The following VWA3B variants were observed in gnomAD, a reference collection of about 807,000 sequenced individuals.
The protein encoded by VWA3B is von Willebrand factor A domain containing 3B.
Under a neutral mutation model 158.3 loss-of-function variants are expected in VWA3B, and 138 were observed. The observed-to-expected ratio is 0.87, with a 90% confidence interval of 0.76 to 1.00. The LOEUF (loss-of-function observed/expected upper bound fraction) is 1.00, where lower values mean the gene tolerates loss of function less well. Ranked by LOEUF, VWA3B falls within the 50% of genes least tolerant of loss-of-function variation. The pLI, the probability that VWA3B is intolerant of heterozygous loss-of-function variation, is 0.00. For missense variants in VWA3B, 1,555 were observed against 1,565.1 expected (o/e 0.99, Z 0.11); for synonymous variants, 596 against 587.3 (o/e 1.01, Z -0.21).
In VWA3B at chr2:98,270,877, G is replaced by T. The variant is rs374151826; in HGVS notation, c.3039G>T (p.Pro1013=). ...AAKKNYANKA[P]GEQQKLQGNP... ...AGAAGAATTATGCAAACAAGGCCCCGGGAGAGGTGGGTGCCCTGGAGGTCT... is the reference window on the plus strand; with the variant it reads ...AGAAGAATTATGCAAACAAGGCCCCTGGAGAGGTGGGTGCCCTGGAGGTCT... Residue 1013 remains proline (P), a synonymous_variant, in exon 22 of 28, where the codon CCG becomes CCT. Coordinates refer to ENST00000477737, the MANE Select transcript of VWA3B (RefSeq NM_144992.5). 5 of 1,613,594 alleles carry T rather than the reference G, an allele frequency of 3.1e-6. No individual in the cohort carries two copies. Among genetic ancestry groups the T allele is most frequent in the Non-Finnish European group, 4.2e-6 (5 of 1,179,820 alleles).
chr2:98,110,932 CTT>C (rs1305724293), intron 2 of VWA3B, among the ~76,000 whole-genome samples: 1 of 152,220 alleles, frequency 6.6e-6, no homozygotes, highest in Non-Finnish European at 1.5e-5. Context: ...CAAACTCTCT[CTT>C]TGCCTGCTGC....
chr2:98,310,818 C>T (rs1222838318), intron 26 of VWA3B, among the ~76,000 whole-genome samples: 1 of 152,184 alleles, frequency 6.6e-6, no homozygotes, highest in African/African-American at 2.4e-5. Flanking sequence ...TGCTGTCGCC[C>T]AGGCCAATTT....
chr2:98,324,909 TA>T, the VWA3B span, among the ~76,000 whole-genome samples: 425 of 147,834 alleles, frequency 2.9e-3, no homozygotes, highest in Middle Eastern at 6.9e-3. Flanking sequence ...GTCTTAATGT[TA>T]AAAAAAAAAA....
chr2:98,300,071 C>G lies in VWA3B; in HGVS notation c.3283-8C>G. On this transcript the variant is annotated splice_region_variant and splice_polypyrimidine_tract_variant and intron_variant, in intron 24 of 27. Transcript: ENST00000477737. ...AGCAAAATATTTGCTCTATGTTCTC[C>G]TCTGCAGGTTGGAGATTATGTGTTT... The G allele has an allele frequency of 6.2e-7, 1 of 1,614,182 alleles. No individual in the cohort carries two copies. The highest frequency in any genetic ancestry group is 8.5e-7 in the Non-Finnish European group (1 of 1,180,042).
intron 7 of VWA3B, among the ~76,000 whole-genome samples, chr2:98,136,286 G>C (rs1368516108): frequency 2.0e-5 from 3 of 152,156 alleles, no homozygotes; most frequent in Non-Finnish European, 2.9e-5. Flanking sequence ...CAGTTCACTA[G>C]TGTTAAGTAC....
chr2:98,176,984 T>G (rs1303253725), intron 8 of VWA3B, among the ~76,000 whole-genome samples: 2 of 152,058 alleles, frequency 1.3e-5, no homozygotes, highest in African/African-American at 4.8e-5. Flanking sequence ...AGGAATGAGG[T>G]GCCAGGCAAG....
chr2:98,142,095 G>A (rs1196931542), intron 7 of VWA3B, among the ~76,000 whole-genome samples: 1 of 152,140 alleles, frequency 6.6e-6, no homozygotes, highest in Non-Finnish European at 1.5e-5. Context: ...CCACAGTTTG[G>A]AGACCCTAGG....
chr2:98,234,630 C>A lies in VWA3B; in HGVS notation c.2309-18C>A, dbSNP rs750813911. 2.5e-6 allele frequency: 4 copies of A among 1,614,052 alleles called. No individual in the cohort carries two copies. The Admixed American group carries it at 6.7e-5, about 27-fold the overall frequency. On this transcript the variant is annotated intron_variant, in intron 16 of 27. Transcript: ENST00000477737. ...CCATCCCCAATTCCTTTAACTCTTC[C>A]CTCTGTGATACCAACAGAATCAACC...
intron 27 of VWA3B, 51 bp downstream of exon 27, chr2:98,312,083 G>GA (rs772419746): frequency 1.5e-5 from 24 of 1,602,600 alleles, no homozygotes; most frequent in Non-Finnish European, 2.0e-5. Context: ...GGAACACCCT[G>GA]AAATCCCTTT....
intron 2 of VWA3B, among the ~76,000 whole-genome samples, chr2:98,112,214 T>A (rs1323773894): frequency 2.0e-5 from 3 of 152,006 alleles, no homozygotes; most frequent in Non-Finnish European, 4.4e-5. Flanking sequence ...GAAGATCATA[T>A]GACTGTAGTT....
chr2:98,307,246 C>T (rs758739175), intron 26 of VWA3B, among the ~76,000 whole-genome samples: 8 of 152,202 alleles, frequency 5.3e-5, no homozygotes, highest in Middle Eastern at 3.2e-3. Flanking sequence ...AGCAGTTTTG[C>T]CATGAGAGTA....
chr2:98,116,175 C>G (rs1008770664), intron 3 of VWA3B, among the ~76,000 whole-genome samples: 3 of 152,222 alleles, frequency 2.0e-5, no homozygotes. Context: ...CTGAGTCTCA[C>G]GTCTCCTACA....
intron 3 of VWA3B, among the ~76,000 whole-genome samples, chr2:98,119,034 G>A (rs1237056285): frequency 6.6e-6 from 1 of 152,230 alleles, no homozygotes; most frequent in East Asian, 1.9e-4. Context: ...GAGGACAAAA[G>A]TCATGAGCAG....
In VWA3B at chr2:98,091,912, T is replaced by C. The variant is rs143773849; in HGVS notation, c.-32-1149T>C. On this transcript the variant is annotated intron_variant, in intron 1 of 27. Transcript: ENST00000477737. ...GTCACCAGGCCCTGCCCATTTGTGG[T>C]GAGCGGGTTAAGATTGCATTATAGT... Among the ~76,000 whole-genome samples the C allele has an allele frequency of 2.7e-3, 405 of 152,350 alleles. 4 individuals are homozygous for C. Among genetic ancestry groups the C allele is most frequent in the East Asian group, 0.023 (118 of 5,188 alleles).
intron 22 of VWA3B, among the ~76,000 whole-genome samples, chr2:98,274,856 G>A (rs1166122285): frequency 6.6e-6 from 1 of 152,228 alleles, no homozygotes; most frequent in African/African-American, 2.4e-5. Context: ...ACAGGTAACA[G>A]AGACATGGGT....
chr2:98,312,223 G>T lies in VWA3B; in HGVS notation c.3759G>T (p.Ala1253=), dbSNP rs1574335691. The change falls in exon 28 of 28, where the codon GCG becomes GCT. Residue 1253 remains alanine, a synonymous_variant. Coordinates refer to ENST00000477737, the MANE Select transcript of VWA3B (RefSeq NM_144992.5). The stretch of plus-strand genomic sequence containing the variant: ...AGACAGCCCACCTCCACTTCCCCGC[G>T]GCCGGGCGTCTAGGACTCAGCAGCC... ...EPRTAHLHFP[A]AGRLGLSSHA... 1.2e-6 allele frequency: 2 copies of T among 1,614,044 alleles called. No individual in the cohort carries two copies. The highest frequency in any genetic ancestry group is 1.7e-6 in the Non-Finnish European group (2 of 1,180,020).
intron 2 of VWA3B, among the ~76,000 whole-genome samples, chr2:98,096,015 G>A (rs1682683281): frequency 1.3e-5 from 2 of 152,088 alleles, no homozygotes; most frequent in Non-Finnish European, 2.9e-5. Context: ...TATTGAATTT[G>A]GTTTGCTAAT....
chr2:98,264,540 T>A (rs1687673981), intron 21 of VWA3B, among the ~76,000 whole-genome samples: 2 of 152,314 alleles, frequency 1.3e-5, no homozygotes, highest in South Asian at 4.1e-4. Flanking sequence ...GTTTTCCTTT[T>A]GTTATTATTT....
chr2:98,187,963 T>C lies in VWA3B; in HGVS notation c.1312-12T>C, dbSNP rs1681250092. ...GTTTCTGAGTGGCTTCTGTCCTTTG[T>C]CATCTCCTTAGGAGACGAACAAGAA... On this transcript the variant is annotated splice_polypyrimidine_tract_variant and intron_variant, in intron 9 of 27. Coordinates refer to ENST00000477737, the MANE Select transcript of VWA3B (RefSeq NM_144992.5). 1 of 1,596,144 alleles carries C rather than the reference T, an allele frequency of 6.3e-7. No homozygotes were observed. Among genetic ancestry groups the C allele is most frequent in the Non-Finnish European group, 8.5e-7 (1 of 1,170,740 alleles).
Sources: gnomAD v4.1 joint callset for allele counts (sites outside exome capture counted in the v4.1 genomes callset) on GRCh38, gnomAD v4.1.1 for gene constraint, MANE v1.5 for transcripts, NCBI Gene and HGNC (gene_info 2026-07-23, HGNC 2026-07-21) for gene names.